The following KCNMB4 variants were observed in gnomAD, a reference collection of about 807,000 sequenced individuals.
The protein encoded by KCNMB4 is potassium calcium-activated channel subfamily M regulatory beta subunit 4, also known as calcium-activated potassium channel subunit beta-4.
Under a neutral mutation model 20.7 loss-of-function variants are expected in KCNMB4, and 3 were observed. The ratio of observed to expected loss-of-function variants is 0.14; its 90% CI spans 0.07 to 0.37. The LOEUF is 0.37. Among genes scored for constraint, KCNMB4 ranks in the 10% least tolerant of loss-of-function variants. The pLI, the probability that KCNMB4 is intolerant of heterozygous loss-of-function variation, is 1.00. For missense variants in KCNMB4, 168 were observed against 265.9 expected (o/e 0.63, Z 2.56); for synonymous variants, 110 against 113.4 (o/e 0.97, Z 0.19).
chr12:70,367,338 C>A (rs1883513434), intron 1 of KCNMB4, among the ~76,000 whole-genome samples: 1 of 152,126 alleles, frequency 6.6e-6, no homozygotes, highest in Non-Finnish European at 1.5e-5. Context: ...GAGGCCTCGA[C>A]CCAGTCCGGG....
rs1445141932 is a variant in KCNMB4, at chr12:70,433,811, A to T, written c.*3158A>T. On this transcript the variant is annotated 3_prime_UTR_variant, in exon 3 of 3. Coordinates refer to ENST00000258111, the MANE Select transcript of KCNMB4 (RefSeq NM_014505.6). The stretch of plus-strand genomic sequence containing the variant: ...CCCTTGTCCATTGTCTTCTGTGGCC[A>T]CTAGTTTGACCTCTAGGAAAGTCTT... The T allele has an allele frequency of 6.6e-6, 1 of 152,204 alleles. No homozygotes were observed. The highest frequency in any genetic ancestry group is 1.5e-5 in the Non-Finnish European group (1 of 68,044). The allele number at this position is 152,204 out of a possible 1,614,324, so 9.4% of individuals were successfully genotyped here.
chr12:70,383,264 AT>A (rs1883826465), intron 1 of KCNMB4, among the ~76,000 whole-genome samples: 1 of 152,196 alleles, frequency 6.6e-6, no homozygotes, highest in African/African-American at 2.4e-5. Context: ...AATATGTGCA[AT>A]TTTTATTTGT....
intron 1 of KCNMB4, among the ~76,000 whole-genome samples, chr12:70,389,563 A>G (rs137913174): frequency 1.9e-3 from 284 of 152,242 alleles, no homozygotes; most frequent in African/African-American, 6.5e-3. Flanking sequence ...GCATGGTAGC[A>G]TGTGCCTGTA....
intron 2 of KCNMB4, among the ~76,000 whole-genome samples, chr12:70,425,387 G>A (rs968345847): frequency 6.6e-6 from 1 of 152,162 alleles, no homozygotes; most frequent in Admixed American, 6.5e-5. Context: ...GCAGTGAGCC[G>A]AGATCGGGCC....
Position 70,433,443 on chromosome 12 carries a change from G to T in KCNMB4, c.*2790G>T, listed in dbSNP as rs1012796121. 3 of 152,148 alleles carry T rather than the reference G, an allele frequency of 2.0e-5. No individual in the cohort carries two copies. Among genetic ancestry groups the T allele is most frequent in the Non-Finnish European group, 4.4e-5 (3 of 68,022 alleles). 9.4% of individuals were successfully genotyped at this position (152,148 alleles called of 1,614,324 possible). Reference sequence around the variant, plus strand: ...GCTGGCTCAAGACTTCCTAGCCTGTGAAAAAAGAAGAAGGTGGAGCAAGCC... The same window carrying T: ...GCTGGCTCAAGACTTCCTAGCCTGTTAAAAAAGAAGAAGGTGGAGCAAGCC... On this transcript the variant is annotated 3_prime_UTR_variant, in exon 3 of 3. Coordinates refer to ENST00000258111, the MANE Select transcript of KCNMB4 (RefSeq NM_014505.6).
intron 2 of KCNMB4, among the ~76,000 whole-genome samples, chr12:70,402,797 G>C (rs541298324): frequency 6.6e-6 from 1 of 152,086 alleles, no homozygotes; most frequent in Admixed American, 6.6e-5. Context: ...TGGCCTCAAG[G>C]TGGCTCTTTT....
rs145823813 is a variant in KCNMB4 at position 70,424,954 on chromosome 12, T to C, written c.465-5531T>C. Among the ~76,000 whole-genome samples the C allele has an allele frequency of 2.8e-3, 420 of 152,328 alleles. 2 individuals carry two copies. The highest frequency in any genetic ancestry group is 9.6e-3 in the African/African-American group (400 of 41,566). On this transcript the variant is annotated intron_variant, in intron 2 of 2. Transcript: ENST00000258111. Reference sequence around the variant, plus strand: ...CACTGGCTAATTACTCTCAGTAAGATCAGCTCAGTTATGCCAAAACCAAAT... The same window carrying C: ...CACTGGCTAATTACTCTCAGTAAGACCAGCTCAGTTATGCCAAAACCAAAT...
In KCNMB4 at chr12:70,422,889, A is replaced by G. The variant is rs372647274; in HGVS notation, c.465-7596A>G. ...TTAAAAAGTCTATTACTCTGGGAGC[A>G]CAGAGTGGCGACGGTTTCCCCAGGC... On this transcript the variant is annotated intron_variant, in intron 2 of 2. Coordinates refer to ENST00000258111, the MANE Select transcript of KCNMB4 (RefSeq NM_014505.6). 1.5e-5 allele frequency: 17 copies of G among 1,122,330 alleles called. No individual in the cohort carries two copies. The East Asian group carries it at 1.9e-4, about 13-fold the overall frequency. 69.5% of individuals were successfully genotyped at this position (1,122,330 alleles called of 1,614,324 possible).
At chr12:70,383,328 T>A (rs1883827942) in intron 1 of KCNMB4, among the ~76,000 whole-genome samples, 1 of 152,226 alleles carries the variant, frequency 6.6e-6, no homozygotes, top group South Asian at 2.1e-4. Flanking sequence ...ATTAATGCAA[T>A]GTTGAGATAC....
Position 70,411,881 on chromosome 12 carries a change from G to A in KCNMB4, c.464+11545G>A, listed in dbSNP as rs787934. The stretch of plus-strand genomic sequence containing the variant: ...GTTTAAATTTGTCTTAAGGGCAGTG[G>A]AGGAGTGACAGTCACATTTAAGTTT... On this transcript the variant is annotated intron_variant, in intron 2 of 2. Coordinates refer to ENST00000258111, the MANE Select transcript of KCNMB4 (RefSeq NM_014505.6). Among the ~76,000 whole-genome samples the A allele has an allele frequency of 3.6e-3, 542 of 152,352 alleles. 4 individuals are homozygous for A. The highest frequency in any genetic ancestry group is 0.012 in the African/African-American group (516 of 41,588).
chr12:70,385,002 C>T (rs1883863929), intron 1 of KCNMB4, among the ~76,000 whole-genome samples: 1 of 151,370 alleles, frequency 6.6e-6, no homozygotes. Context: ...GAAACCTTTA[C>T]AAGCTGAGGA....
At chr12:70,384,839 A>G (rs1335949737) in intron 1 of KCNMB4, among the ~76,000 whole-genome samples, 1 of 139,910 alleles carries the variant, frequency 7.1e-6, no homozygotes, top group African/African-American at 2.8e-5. Flanking sequence ...ATGTCGCTGT[A>G]CTCCAGCCTG....
chr12:70,380,233 G>T (rs746833473), intron 1 of KCNMB4, among the ~76,000 whole-genome samples: 12 of 152,128 alleles, frequency 7.9e-5, no homozygotes, highest in Non-Finnish European at 1.3e-4. Context: ...AGAGACAGGG[G>T]AACAGGTGGT....
rs1006273177 is a variant in KCNMB4 at position 70,432,976 on chromosome 12, G to A, written c.*2323G>A. ...TGATATTCATGCATTTACACTAAAC[G>A]CTTCCATTTATCCCGAAAAAGTATA... On this transcript the variant is annotated 3_prime_UTR_variant, in exon 3 of 3. Transcript: ENST00000258111. The A allele has an allele frequency of 2.6e-5, 4 of 152,002 alleles. No homozygotes were observed. Among genetic ancestry groups the A allele is most frequent in the African/African-American group, 9.7e-5 (4 of 41,388 alleles). 9.4% of individuals were successfully genotyped at this position (152,002 alleles called of 1,614,324 possible). A position where few individuals can be genotyped will look rare whatever the true frequency, so the allele number is the denominator to read the frequency against.
At chr12:70,427,527 G>C (rs957379507) in intron 2 of KCNMB4, among the ~76,000 whole-genome samples, 1 of 152,174 alleles carries the variant, frequency 6.6e-6, no homozygotes, top group Admixed American at 6.6e-5. Flanking sequence ...CTCAAAGAAC[G>C]CTTTTGAAGT....
At chr12:70,370,951 G>T (rs895720218) in intron 1 of KCNMB4, among the ~76,000 whole-genome samples, 44 of 152,174 alleles carry the variant, frequency 2.9e-4, no homozygotes, top group African/African-American at 1.0e-3. Flanking sequence ...CCGCCTCCTG[G>T]GTTCAAGCAA....
At chr12:70,370,806 T>A (rs1274831916) in intron 1 of KCNMB4, among the ~76,000 whole-genome samples, 1 of 150,650 alleles carries the variant, frequency 6.6e-6, no homozygotes, top group Non-Finnish European at 1.5e-5. Flanking sequence ...AAAACTGCCC[T>A]CTTGTATGTG....
chr12:70,420,107 T>G (rs1006351716), intron 2 of KCNMB4, among the ~76,000 whole-genome samples: 6 of 152,198 alleles, frequency 3.9e-5, no homozygotes, highest in Admixed American at 2.6e-4. Flanking sequence ...TAGGTTATTT[T>G]TAAATACTTC....
At chr12:70,421,731 G>A (rs1368502728) in intron 2 of KCNMB4, among the ~76,000 whole-genome samples, 3 of 151,684 alleles carry the variant, frequency 2.0e-5, no homozygotes, top group East Asian at 3.9e-4. Flanking sequence ...ACAGGTGGCC[G>A]CCACCACACC....
Sources: gnomAD v4.1 joint callset for allele counts (sites outside exome capture counted in the v4.1 genomes callset) on GRCh38, gnomAD v4.1.1 for gene constraint, MANE v1.5 for transcripts, NCBI Gene and HGNC (gene_info 2026-07-23, HGNC 2026-07-21) for gene names.